The following CDH13 variants were observed in gnomAD, a reference collection of about 807,000 sequenced individuals.
CDH13 encodes the protein cadherin-13.
In CDH13, 24 loss-of-function variants were observed where a neutral mutation model predicts 63.8. That is an observed-to-expected ratio of 0.38 (90% CI 0.27 to 0.53). The LOEUF (loss-of-function observed/expected upper bound fraction) is 0.53. Ranked by LOEUF, CDH13 falls within the 20% of genes least tolerant of loss-of-function variation. The pLI, the probability that CDH13 is intolerant of heterozygous loss-of-function variation, is 0.85. For missense variants in CDH13, 1,049 were observed against 903.1 expected, an observed-to-expected ratio of 1.16 and a Z score of -2.07; for synonymous variants, 503 against 355.3, an observed-to-expected ratio of 1.42 and a Z score of -4.67.
intron 8 of CDH13, among the ~76,000 whole-genome samples, chr16:83,625,172 A>G (rs1001096984): frequency 2.0e-5 from 3 of 149,978 alleles, no homozygotes; most frequent in Non-Finnish European, 3.0e-5. Context: ...GTGTGTGCTC[A>G]TGTGTGTGTG....
chr16:82,672,517 G>A (rs114869806), intron 1 of CDH13, among the ~76,000 whole-genome samples: 13 of 151,882 alleles, frequency 8.6e-5, no homozygotes, highest in African/African-American at 2.2e-4. Context: ...ACCCGGATTC[G>A]AAACGTCCAG....
intron 7 of CDH13, among the ~76,000 whole-genome samples, chr16:83,522,283 C>T (rs2074856923): frequency 6.6e-6 from 1 of 152,194 alleles, no homozygotes. Context: ...CAAAATGTAG[C>T]CTGCCATTGT....
chr16:83,787,044 A>G (rs1205810032), intron 13 of CDH13, among the ~76,000 whole-genome samples: 2 of 152,190 alleles, frequency 1.3e-5, no homozygotes, highest in East Asian at 3.8e-4. Context: ...TTATCCTTTT[A>G]CTACACACAA....
intron 6 of CDH13, among the ~76,000 whole-genome samples, chr16:83,381,526 C>T (rs2091566798): frequency 6.6e-6 from 1 of 151,982 alleles, no homozygotes; most frequent in Admixed American, 6.6e-5. Context: ...AAGTCTTGAA[C>T]ACATTAAATG....
chr16:83,513,910 G>C (rs1452456418), intron 7 of CDH13, among the ~76,000 whole-genome samples: 4 of 152,098 alleles, frequency 2.6e-5, no homozygotes, highest in Non-Finnish European at 5.9e-5. Flanking sequence ...AAAAATTATA[G>C]AGAATGAAGG....
At position 83,775,538 on chromosome 16, in the gene CDH13, C is replaced by T. The variant is rs181288113; in HGVS notation, c.1682-4430C>T. ...ACCATGAGAACATGGCCCCTGGGCT[C>T]CCTCCAGAAGGGAGCTGCAAAGAGG... On this transcript the variant is annotated intron_variant, in intron 11 of 13. Transcript: ENST00000567109. Among the ~76,000 whole-genome samples, 181 of 152,180 alleles carry T rather than the reference C, an allele frequency of 1.2e-3. 1 individual carries two copies. The highest frequency in any genetic ancestry group is 4.3e-3 in the African/African-American group (179 of 41,498).
At chr16:82,791,236 C>G (rs1486164855) in intron 1 of CDH13, among the ~76,000 whole-genome samples, 2 of 22,710 alleles carry the variant, frequency 8.8e-5, no homozygotes, top group Non-Finnish European at 2.1e-4. Context: ...GACTCCGTCT[C>G]CAAAAAAAAA....
At chr16:83,589,571 C>A (rs531180149) in intron 7 of CDH13, among the ~76,000 whole-genome samples, 1 of 151,960 alleles carries the variant, frequency 6.6e-6, no homozygotes, top group South Asian at 2.1e-4. Context: ...GGAATTAGAA[C>A]ATGGCCATCT....
intron 8 of CDH13, 75 bp from the exon 9 acceptor site, chr16:83,670,715 T>C (rs1914424963): frequency 2.4e-6 from 3 of 1,270,164 alleles, no homozygotes; most frequent in Middle Eastern, 1.8e-4. Context: ...GTGTGTAACA[T>C]ACCCAATGCA....
intron 2 of CDH13, among the ~76,000 whole-genome samples, chr16:83,019,836 T>TAAAAAAAAAA (rs562381483): frequency 2.0e-5 from 2 of 100,818 alleles, no homozygotes; most frequent in Admixed American, 1.1e-4. Flanking sequence ...GAGTACACTC[T>TAAAAAAAAAA]AAAAAAAAAA....
intron 2 of CDH13, among the ~76,000 whole-genome samples, chr16:82,880,496 G>C (rs950171625): frequency 6.6e-6 from 1 of 152,142 alleles, no homozygotes; most frequent in African/African-American, 2.4e-5. Context: ...TTATTTTGGT[G>C]ATGGATTTAG....
At position 83,427,879 on chromosome 16, in the gene CDH13, G is replaced by C. The variant is rs112226481; in HGVS notation, c.782-58598G>C. ...CATTCCTGTGACTCCTTTCAGGGCC[G>C]TGAAGATGTTCCTTGGACCCAGGCA... On this transcript the variant is annotated intron_variant, in intron 6 of 13. Coordinates refer to ENST00000567109, the MANE Select transcript of CDH13 (RefSeq NM_001257.5). 4.9e-3 allele frequency among the ~76,000 whole-genome samples: 747 copies of C among 152,334 alleles called. 3 individuals carry two copies. Among genetic ancestry groups the C allele is most frequent in the Middle Eastern group, 0.02 (6 of 294 alleles).
At chr16:83,720,082 A>G (rs1284740121) in intron 10 of CDH13, among the ~76,000 whole-genome samples, 1 of 152,184 alleles carries the variant, frequency 6.6e-6, no homozygotes, top group Non-Finnish European at 1.5e-5. Context: ...AGAAGGGAAC[A>G]GGGTAGGCAC....
At chr16:83,083,071 A>C (rs1398208305) in intron 3 of CDH13, among the ~76,000 whole-genome samples, 2 of 152,246 alleles carry the variant, frequency 1.3e-5, no homozygotes, top group Non-Finnish European at 2.9e-5. Flanking sequence ...CCACAAAAGA[A>C]GCTGATATTC....
intron 2 of CDH13, among the ~76,000 whole-genome samples, chr16:82,911,645 A>G (rs927456903): frequency 6.6e-6 from 1 of 152,194 alleles, no homozygotes; most frequent in Non-Finnish European, 1.5e-5. Flanking sequence ...CTGAAGATCC[A>G]CCAGGAGCCT....
At chr16:82,923,556 G>T (rs1188700012) in intron 2 of CDH13, among the ~76,000 whole-genome samples, 4 of 152,156 alleles carry the variant, frequency 2.6e-5, no homozygotes, top group South Asian at 2.1e-4. Flanking sequence ...ATCTAGTGGG[G>T]CATCAGACAA....
At chr16:83,379,410 G>A (rs181956249) in intron 6 of CDH13, among the ~76,000 whole-genome samples, 75 of 152,278 alleles carry the variant, frequency 4.9e-4, no homozygotes, top group African/African-American at 1.7e-3. Flanking sequence ...CGGATGAGTG[G>A]ATGGATGGAT....
chr16:83,013,704 C>T (rs1240211486), intron 2 of CDH13, among the ~76,000 whole-genome samples: 1 of 152,174 alleles, frequency 6.6e-6, no homozygotes, highest in African/African-American at 2.4e-5. Context: ...TCTGACAGAT[C>T]ACAAAAGTCT....
intron 6 of CDH13, among the ~76,000 whole-genome samples, chr16:83,462,306 C>T (rs915808859): frequency 3.3e-5 from 5 of 152,338 alleles, no homozygotes; most frequent in South Asian, 2.1e-4. Context: ...AACTTGGGTT[C>T]GAGAGTTTCA....
Sources: gnomAD v4.1 joint callset for allele counts (sites outside exome capture counted in the v4.1 genomes callset) on GRCh38, gnomAD v4.1.1 for gene constraint, MANE v1.5 for transcripts, NCBI Gene and HGNC (gene_info 2026-07-23, HGNC 2026-07-21) for gene names.